FGF12: variants seen among roughly 807,000 people sequenced by gnomAD.
FGF12 encodes fibroblast growth factor 12B.
FGF12 carries 14 observed loss-of-function variants against 23.6 expected under a neutral mutation model. The observed-to-expected ratio is 0.59, with a 90% CI of 0.39 to 0.93. The LOEUF (loss-of-function observed/expected upper bound fraction) is 0.93, where lower values mean the gene tolerates loss of function less well. FGF12 is among the 40% of genes least tolerant of loss of function. FGF12 has a pLI of 0.00. For synonymous variants in FGF12, 62 were observed against 77.3 expected (o/e 0.80, Z 1.04); for missense variants, 175 against 217.8 (o/e 0.80, Z 1.24).
intron 2 of FGF12, among the ~76,000 whole-genome samples, chr3:192,466,699 A>G (rs78120115): frequency 1.4e-3 from 214 of 152,316 alleles, no homozygotes; most frequent in African/African-American, 4.9e-3. Flanking sequence ...TGAGGAAGCT[A>G]TTCACTAGCA....
At chr3:192,226,744 A>G in intron 4 of FGF12, among the ~76,000 whole-genome samples, 1 of 152,146 alleles carries the variant, frequency 6.6e-6, no homozygotes, top group South Asian at 2.1e-4. Context: ...TAACTACAAC[A>G]TATCGTATAC....
chr3:192,553,062 C>A (rs1432347760), intron 2 of FGF12, among the ~76,000 whole-genome samples: 1 of 151,934 alleles, frequency 6.6e-6, no homozygotes, highest in Non-Finnish European at 1.5e-5. Flanking sequence ...TTAATAAATG[C>A]GTACTGAGAA....
intron 2 of FGF12, among the ~76,000 whole-genome samples, chr3:192,419,846 A>T (rs1721467127): frequency 6.6e-6 from 1 of 152,154 alleles, no homozygotes; most frequent in Non-Finnish European, 1.5e-5. Flanking sequence ...AGAGCTAAAC[A>T]CTTCTATATG....
chr3:192,699,944 A>G (rs1718240443), intron 2 of FGF12, among the ~76,000 whole-genome samples: 1 of 152,222 alleles, frequency 6.6e-6, no homozygotes, highest in Non-Finnish European at 1.5e-5. Flanking sequence ...CTTAAGAGAT[A>G]TTAACAGATG....
chr3:192,572,988 G>A (rs1212702025), intron 2 of FGF12, among the ~76,000 whole-genome samples: 1 of 152,196 alleles, frequency 6.6e-6, no homozygotes, highest in African/African-American at 2.4e-5. Context: ...GTGATGACAT[G>A]ACTCTAGGAA....
chr3:192,197,310 T>C (rs1717119786), intron 4 of FGF12, among the ~76,000 whole-genome samples: 1 of 152,240 alleles, frequency 6.6e-6, no homozygotes, highest in Non-Finnish European at 1.5e-5. Flanking sequence ...ACACGTATCG[T>C]GTGTCCTTCT....
intron 4 of FGF12, among the ~76,000 whole-genome samples, chr3:192,276,086 A>C (rs13322272): frequency 0.34 from 51,116 of 152,134 alleles, 9,842 homozygotes; most frequent in East Asian, 0.9. Flanking sequence ...CGATTCATTA[A>C]GAATCATCAA....
intron 2 of FGF12, among the ~76,000 whole-genome samples, chr3:192,399,972 C>T (rs769724587): frequency 6.6e-6 from 1 of 152,164 alleles, no homozygotes; most frequent in Admixed American, 6.5e-5. Context: ...CTCAGGATAC[C>T]CAACCGGAGG....
At chr3:192,385,395 T>C (rs1012877748) in intron 2 of FGF12, among the ~76,000 whole-genome samples, 4 of 152,094 alleles carry the variant, frequency 2.6e-5, no homozygotes, top group Non-Finnish European at 5.9e-5. Flanking sequence ...AAATGGAGAC[T>C]CCCATATCAT....
chr3:192,325,381 T>G (rs1296021022), intron 4 of FGF12, among the ~76,000 whole-genome samples: 1 of 152,160 alleles, frequency 6.6e-6, no homozygotes, highest in East Asian at 1.9e-4. Flanking sequence ...TATTTAACAA[T>G]CTACCTGTTG....
intron 2 of FGF12, among the ~76,000 whole-genome samples, chr3:192,567,759 TTCTTTCTTTC>T (rs1464147996): frequency 7.3e-4 from 95 of 129,616 alleles, no homozygotes; most frequent in South Asian, 3.5e-3. Flanking sequence ...CTTTCTTTCT[TTCTTTCTTTC>T]TTTCTTTCTT....
chr3:192,686,814 AAT>A (rs1560194418), intron 2 of FGF12, among the ~76,000 whole-genome samples: 2 of 107,030 alleles, frequency 1.9e-5, no homozygotes, highest in African/African-American at 8.4e-5. Flanking sequence ...TTTTTTCTCT[AAT>A]TTTTTTTTTT....
At chr3:192,585,667 T>G (rs1248854480) in intron 2 of FGF12, among the ~76,000 whole-genome samples, 4 of 152,090 alleles carry the variant, frequency 2.6e-5, no homozygotes, top group Admixed American at 6.6e-5. Context: ...CTGCTCAGCC[T>G]TATCTTGCCA....
At chr3:192,704,396 A>G (rs1162244063) in intron 2 of FGF12, among the ~76,000 whole-genome samples, 1 of 152,188 alleles carries the variant, frequency 6.6e-6, no homozygotes, top group Non-Finnish European at 1.5e-5. Flanking sequence ...GTCTTGGATG[A>G]CCAGGTGCAT....
chr3:192,346,343 C>T (rs1199862301), intron 3 of FGF12, among the ~76,000 whole-genome samples: 6 of 152,140 alleles, frequency 3.9e-5, no homozygotes, highest in Non-Finnish European at 8.8e-5. Context: ...GGAGCTTTCT[C>T]CACTTCCTGA....
chr3:192,532,939 T>A (rs1484315090), intron 2 of FGF12, among the ~76,000 whole-genome samples: 6 of 152,158 alleles, frequency 3.9e-5, no homozygotes, highest in Non-Finnish European at 7.4e-5. Flanking sequence ...TGATCTAGAA[T>A]TGTTTTCTCT....
At chr3:192,683,121 C>G (rs1480442290) in intron 2 of FGF12, among the ~76,000 whole-genome samples, 1 of 152,176 alleles carries the variant, frequency 6.6e-6, no homozygotes, top group Non-Finnish European at 1.5e-5. Context: ...AATGAATTAT[C>G]TAACCTGAGA....
intron 2 of FGF12, among the ~76,000 whole-genome samples, chr3:192,424,224 G>A (rs1464619150): frequency 6.6e-6 from 1 of 152,134 alleles, no homozygotes; most frequent in Non-Finnish European, 1.5e-5. Flanking sequence ...CCTTAGAACA[G>A]TAGGAATTTC....
At chr3:192,344,881 A>G (rs372632408) in intron 3 of FGF12, among the ~76,000 whole-genome samples, 1 of 152,332 alleles carries the variant, frequency 6.6e-6, no homozygotes, top group East Asian at 1.9e-4. Flanking sequence ...CACTATTGAT[A>G]ATGAAAGCAA....
Sources: allele counts gnomAD v4.1 joint callset (sites outside exome capture counted in the v4.1 genomes callset), GRCh38; gene constraint gnomAD v4.1.1; transcripts MANE v1.5; gene names NCBI Gene and HGNC (gene_info 2026-07-23, HGNC 2026-07-21).